Variants in MIPEP observed in about 807,000 individuals in gnomAD.
MIPEP encodes mitochondrial intermediate peptidase.
Under a neutral mutation model 90.3 loss-of-function variants are expected in MIPEP, and 79 were observed. The observed-to-expected ratio is 0.87, with a 90% CI of 0.73 to 1.05. The LOEUF is 1.05. Among genes scored for constraint, MIPEP ranks in the 50% least tolerant of loss-of-function variants. MIPEP has a pLI of 0.00. For missense variants in MIPEP, 940 were observed against 905.6 expected (o/e 1.04, Z -0.49); for synonymous variants, 334 against 315.8 (o/e 1.06, Z -0.61).
At chr13:23,885,908 C>G in intron 2 of MIPEP, among the ~76,000 whole-genome samples, 1 of 116,198 alleles carries the variant, frequency 8.6e-6, no homozygotes, top group East Asian at 2.7e-4. Flanking sequence ...GACCCTGTCT[C>G]TATTAAAAAA....
At position 23,802,646 on chromosome 13, in the gene MIPEP, A is replaced by G. The variant is rs557932921; in HGVS notation, c.1848+3304T>C. Reference sequence around the variant, plus strand: ...ATTGAATTTGTCAGTCTTTTGCTTTATGTTTAATGGCTTTCCATTGTATCT... The same window carrying G: ...ATTGAATTTGTCAGTCTTTTGCTTTGTGTTTAATGGCTTTCCATTGTATCT... On this transcript the variant is annotated intron_variant, in intron 16 of 18. Coordinates refer to ENST00000382172, the MANE Select transcript of MIPEP (RefSeq NM_005932.4). Among the ~76,000 whole-genome samples, 72 of 150,130 alleles carry G rather than the reference A, an allele frequency of 4.8e-4. 1 individual carries two copies. The highest frequency in any genetic ancestry group is 6.8e-4 in the Non-Finnish European group (46 of 67,922).
chr13:23,834,432 G>A (rs1293660404), intron 14 of MIPEP, among the ~76,000 whole-genome samples: 1 of 152,174 alleles, frequency 6.6e-6, no homozygotes, highest in East Asian at 1.9e-4. Flanking sequence ...TTGCCTTCGG[G>A]CGGTAACACC....
intron 18 of MIPEP, among the ~76,000 whole-genome samples, chr13:23,752,768 G>C (rs1171870873): frequency 6.6e-6 from 1 of 152,100 alleles, no homozygotes; most frequent in Non-Finnish European, 1.5e-5. Context: ...GTTTAGTGGA[G>C]GATTAAGTGA....
chr13:23,849,987 A>G (rs142233424), intron 10 of MIPEP, among the ~76,000 whole-genome samples: 3 of 152,378 alleles, frequency 2.0e-5, no homozygotes, highest in Middle Eastern at 3.4e-3. Flanking sequence ...ACAGGTAAAC[A>G]CAGCTTCAGT....
intron 1 of MIPEP, chr13:23,888,732 T>A (rs1435524282): frequency 2.0e-6 from 2 of 1,013,688 alleles, no homozygotes; most frequent in African/African-American, 3.4e-5. Flanking sequence ...TGATGCCGCC[T>A]GTGAACGCAC....
chr13:23,765,771 T>C (rs912876181), intron 16 of MIPEP, among the ~76,000 whole-genome samples: 11 of 152,226 alleles, frequency 7.2e-5, no homozygotes, highest in Non-Finnish European at 1.2e-4. Flanking sequence ...TCAATGTTAC[T>C]GACAACTGGA....
intron 16 of MIPEP, among the ~76,000 whole-genome samples, chr13:23,796,327 G>A (rs778612912): frequency 6.6e-6 from 1 of 152,166 alleles, no homozygotes; most frequent in Non-Finnish European, 1.5e-5. Context: ...TGAGGCATGA[G>A]AATTGCTTGA....
intron 11 of MIPEP, 125 bp from the exon 12 acceptor site, chr13:23,839,851 C>T: frequency 1.7e-6 from 1 of 581,616 alleles, no homozygotes; most frequent in South Asian, 2.4e-5. Flanking sequence ...ACATTCTACA[C>T]CCCACATTAT....
chr13:23,856,540 T>C (rs1194075382), intron 10 of MIPEP, among the ~76,000 whole-genome samples: 2 of 152,174 alleles, frequency 1.3e-5, no homozygotes, highest in African/African-American at 2.4e-5. Flanking sequence ...GGGTAGATTA[T>C]TCAGAACTTT....
At chr13:23,817,134 T>G (rs1311215959) in intron 14 of MIPEP, among the ~76,000 whole-genome samples, 4 of 152,226 alleles carry the variant, frequency 2.6e-5, no homozygotes, top group Admixed American at 2.6e-4. Flanking sequence ...TTCTGCATCC[T>G]AGGTGGATGG....
chr13:23,881,392 G>A (rs1871263641), intron 3 of MIPEP, among the ~76,000 whole-genome samples: 1 of 152,212 alleles, frequency 6.6e-6, no homozygotes. Flanking sequence ...AGATTATCAA[G>A]TGACACCTTT....
At chr13:23,825,746 C>A (rs753682667) in intron 14 of MIPEP, among the ~76,000 whole-genome samples, 7 of 152,124 alleles carry the variant, frequency 4.6e-5, no homozygotes, top group Non-Finnish European at 7.4e-5. Context: ...TGGAAAATTA[C>A]CTACCCTGGC....
chr13:23,870,240 A>C, intron 5 of MIPEP, 45 bp from the exon 6 acceptor site: 3 of 1,279,150 alleles, frequency 2.3e-6, no homozygotes, highest in Non-Finnish European at 3.1e-6. Flanking sequence ...GTTTTGAATT[A>C]ATATTTCACA....
At chr13:23,816,966 C>CA (rs1953247343) in intron 14 of MIPEP, among the ~76,000 whole-genome samples, 1 of 152,186 alleles carries the variant, frequency 6.6e-6, no homozygotes, top group Non-Finnish European at 1.5e-5. Flanking sequence ...TCAACCTTTC[C>CA]ACCCATGATC....
chr13:23,845,305 G>A (rs1869486418), intron 10 of MIPEP, among the ~76,000 whole-genome samples: 1 of 152,102 alleles, frequency 6.6e-6, no homozygotes, highest in Non-Finnish European at 1.5e-5. Context: ...TGCATCTCCT[G>A]TTGTGTTGTA....
chr13:23,804,672 A>G (rs929583159), intron 16 of MIPEP, among the ~76,000 whole-genome samples: 5 of 152,224 alleles, frequency 3.3e-5, no homozygotes, highest in African/African-American at 1.2e-4. Flanking sequence ...TATTATGAAG[A>G]TAAAATATCC....
intron 18 of MIPEP, among the ~76,000 whole-genome samples, chr13:23,731,968 ATTTTT>A (rs57109674): frequency 1.0e-5 from 1 of 97,862 alleles, no homozygotes; most frequent in South Asian, 4.5e-4. Context: ...AGAATAGCTA[ATTTTT>A]TTTTTTTTTT....
rs1593184792 is a variant in MIPEP at position 23,841,450 on chromosome 13, G to C, written c.1145C>G (p.Ser382Cys). The change falls in exon 11 of 19, where the codon TCT becomes TGT. Residue 382 changes from serine (S) to cysteine (C), a missense_variant. Transcript: ENST00000382172. ...IEPSLYCPFF[S>C]LGACMEGLNI... ...CAGGCCTTCCATGCATGCTCCAAGA[G>C]AGAAAAACGGGCAATATAGGCTGGG... 1 of 1,613,954 alleles carries C rather than the reference G, an allele frequency of 6.2e-7. No homozygotes were observed. Among genetic ancestry groups the C allele is most frequent in the Non-Finnish European group, 8.5e-7 (1 of 1,180,004 alleles).
At chr13:23,883,359 A>G in intron 2 of MIPEP, among the ~76,000 whole-genome samples, 1 of 152,244 alleles carries the variant, frequency 6.6e-6, no homozygotes, top group East Asian at 1.9e-4. Context: ...ACTGATTAAG[A>G]TGAAGACTAA....
Sources: gnomAD v4.1 joint callset for allele counts (sites outside exome capture counted in the v4.1 genomes callset) on GRCh38, gnomAD v4.1.1 for gene constraint, MANE v1.5 for transcripts, NCBI Gene and HGNC (gene_info 2026-07-23, HGNC 2026-07-21) for gene names.